Variants in SPRED2 observed in about 807,000 individuals in gnomAD.
The protein encoded by SPRED2 is sprouty-related, EVH1 domain-containing protein 2.
A neutral mutation model predicts 43.0 loss-of-function variants in SPRED2; 47 were observed. The ratio of observed to expected loss-of-function variants is 1.09; its 90% CI spans 0.87 to 1.40. The LOEUF is 1.40. Among genes scored for constraint, SPRED2 ranks in the 40% most tolerant of loss-of-function variants. The pLI is 0.00. For missense variants in SPRED2, 561 were observed against 586.4 expected (o/e 0.96, Z 0.45); for synonymous variants, 225 against 225.7 (o/e 1.00, Z 0.03).
chr2:65,358,521 G>A (rs1312955300), intron 1 of SPRED2, among the ~76,000 whole-genome samples: 1 of 152,216 alleles, frequency 6.6e-6, no homozygotes, highest in African/African-American at 2.4e-5. Flanking sequence ...TACATTCAGA[G>A]TGAAAAGGAG....
intron 1 of SPRED2, among the ~76,000 whole-genome samples, chr2:65,401,937 G>GTGCGCGCGCGCACACACA (rs1553426614): frequency 1.7e-4 from 20 of 114,714 alleles, no homozygotes; most frequent in African/African-American, 6.8e-4. Flanking sequence ...GCGCGCGCGC[G>GTGCGCGCGCGCACACACA]CACACACACA....
At chr2:65,335,940 C>T (rs1024766573) in intron 2 of SPRED2, among the ~76,000 whole-genome samples, 29 of 152,082 alleles carry the variant, frequency 1.9e-4, no homozygotes, top group African/African-American at 6.3e-4. Context: ...CTGCATTTAC[C>T]GCAATGTGAT....
chr2:65,404,882 C>T (rs1440360582), intron 1 of SPRED2, among the ~76,000 whole-genome samples: 1 of 152,218 alleles, frequency 6.6e-6, no homozygotes, highest in Non-Finnish European at 1.5e-5. Flanking sequence ...AACAACAGCA[C>T]ACCCCTGGGC....
chr2:65,413,038 C>A (rs1350106185), intron 1 of SPRED2, among the ~76,000 whole-genome samples: 1 of 152,218 alleles, frequency 6.6e-6, no homozygotes, highest in Non-Finnish European at 1.5e-5. Flanking sequence ...GAGTCCTTCA[C>A]CTATAAGTGG....
At chr2:65,326,374 G>T (rs1392832620) in intron 4 of SPRED2, among the ~76,000 whole-genome samples, 2 of 152,182 alleles carry the variant, frequency 1.3e-5, no homozygotes, top group East Asian at 1.9e-4. Flanking sequence ...TTGGCAAACA[G>T]GAAGTCGTCT....
At chr2:65,361,861 T>C (rs1674823945) in intron 1 of SPRED2, among the ~76,000 whole-genome samples, 1 of 152,192 alleles carries the variant, frequency 6.6e-6, no homozygotes, top group Non-Finnish European at 1.5e-5. Flanking sequence ...TGTCTGTGCT[T>C]CATTTAATGG....
At chr2:65,364,935 C>T (rs760205882) in intron 1 of SPRED2, among the ~76,000 whole-genome samples, 1 of 152,122 alleles carries the variant, frequency 6.6e-6, no homozygotes, top group Non-Finnish European at 1.5e-5. Context: ...GAAAAAACCC[C>T]GTTTACTATA....
intron 1 of SPRED2, among the ~76,000 whole-genome samples, chr2:65,389,665 T>G (rs1470209116): frequency 2.0e-5 from 3 of 149,682 alleles, no homozygotes; most frequent in Non-Finnish European, 3.0e-5. Context: ...TCAATTAATG[T>G]GACAAAACAA....
At position 65,311,986 on chromosome 2, in the gene SPRED2, G is replaced by A. The variant is rs920478013; in HGVS notation, c.*1515C>T. 5.4e-5 allele frequency: 53 copies of A among 985,412 alleles called. No homozygotes were observed. Among genetic ancestry groups the A allele is most frequent in the Non-Finnish European group, 6.3e-5 (52 of 829,952 alleles). The allele number at this position is 985,412 out of a possible 1,614,324, so 61.0% of individuals were successfully genotyped here. ...TGCTGGCCGCTACCACAGAAAGATC[G>A]TGGCGGGAAGAACAGCCGGCGTCCG... On this transcript the variant is annotated 3_prime_UTR_variant, in exon 6 of 6. Coordinates refer to ENST00000356388, the MANE Select transcript of SPRED2 (RefSeq NM_181784.3).
At chr2:65,380,375 T>G (rs1010350083) in intron 1 of SPRED2, among the ~76,000 whole-genome samples, 2 of 152,134 alleles carry the variant, frequency 1.3e-5, no homozygotes, top group African/African-American at 4.8e-5. Context: ...CATTAAAGCT[T>G]TTGCCCCAGG....
intron 2 of SPRED2, among the ~76,000 whole-genome samples, chr2:65,340,909 G>C (rs961782843): frequency 6.6e-6 from 1 of 152,168 alleles, no homozygotes; most frequent in African/African-American, 2.4e-5. Context: ...ACCTTTTAGA[G>C]GGGGGTTCCT....
rs7570887 is a variant in SPRED2, at chr2:65,412,364, A to T, written c.26+19598T>A. Reference sequence around the variant, plus strand: ...AGGTGGCCTAGGACCAGCTTCAAGAAAAAATGATTTTGAAACCATCCCTAC... The same window carrying T: ...AGGTGGCCTAGGACCAGCTTCAAGATAAAATGATTTTGAAACCATCCCTAC... On this transcript the variant is annotated intron_variant, in intron 1 of 5. Coordinates refer to ENST00000356388, the MANE Select transcript of SPRED2 (RefSeq NM_181784.3). Among the ~76,000 whole-genome samples, 1,374 of 152,256 alleles carry T rather than the reference A, an allele frequency of 9.0e-3. 24 individuals carry two copies. Among genetic ancestry groups the T allele is most frequent in the African/African-American group, 0.031 (1,294 of 41,542 alleles).
In SPRED2 at chr2:65,381,370, C is replaced by T. The variant is rs575404059; in HGVS notation, c.27-36474G>A. ...AATGACACCTTAACAGTTAAACACTCGGCAGCTCTAAAGCAGCATGGCCCA... is the reference window on the plus strand; with the variant it reads ...AATGACACCTTAACAGTTAAACACTTGGCAGCTCTAAAGCAGCATGGCCCA... On this transcript the variant is annotated intron_variant, in intron 1 of 5. Coordinates refer to ENST00000356388, the MANE Select transcript of SPRED2 (RefSeq NM_181784.3). Among the ~76,000 whole-genome samples the T allele has an allele frequency of 2.6e-5, 4 of 152,308 alleles. No individual in the cohort carries two copies. In the East Asian group the frequency reaches 5.8e-4, roughly 22 times the overall value.
chr2:65,410,606 A>T (rs1444577436), intron 1 of SPRED2, among the ~76,000 whole-genome samples: 8 of 151,852 alleles, frequency 5.3e-5, no homozygotes, highest in African/African-American at 1.9e-4. Flanking sequence ...AAAAATACAA[A>T]AAATTAGCCG....
At chr2:65,421,289 C>A (rs1676417144) in intron 1 of SPRED2, among the ~76,000 whole-genome samples, 1 of 152,208 alleles carries the variant, frequency 6.6e-6, no homozygotes, top group Non-Finnish European at 1.5e-5. Flanking sequence ...ACCTTCTTAT[C>A]AAATGAGCCT....
chr2:65,409,402 T>C (rs886485966), intron 1 of SPRED2, among the ~76,000 whole-genome samples: 2 of 152,212 alleles, frequency 1.3e-5, no homozygotes, highest in African/African-American at 4.8e-5. Flanking sequence ...CACTAAATAA[T>C]AGACTAAAAT....
rs546111110 is a variant in SPRED2 at position 65,346,560 on chromosome 2, C to CTGTCT, written c.27-1669_27-1665dup. 1.1e-4 allele frequency among the ~76,000 whole-genome samples: 16 copies of CTGTCT among 152,248 alleles called. No homozygotes were observed. The South Asian group carries it at 2.9e-3, about 28-fold the overall frequency. On this transcript the variant is annotated intron_variant, in intron 1 of 5. Coordinates refer to ENST00000356388, the MANE Select transcript of SPRED2 (RefSeq NM_181784.3). Reference sequence around the variant, plus strand: ...TCAGCCCCTGGCACCCACCATTCTACTGTCTTGTCTCTATGAATCTGATAC... The same window carrying CTGTCT: ...TCAGCCCCTGGCACCCACCATTCTACTGTCTTGTCTTGTCTCTATGAATCTGATAC...
intron 5 of SPRED2, 145 bp downstream of exon 5, chr2:65,316,589 G>A (rs1451943385): frequency 1.2e-5 from 12 of 989,974 alleles, no homozygotes; most frequent in Admixed American, 2.7e-5. Context: ...CACCACCAAT[G>A]CCACTTTCAA....
chr2:65,375,375 G>A (rs936825886), intron 1 of SPRED2, among the ~76,000 whole-genome samples: 1 of 152,184 alleles, frequency 6.6e-6, no homozygotes. Context: ...TATTCAAAAG[G>A]GACAGAGATC....
Sources: allele counts gnomAD v4.1 joint callset (sites outside exome capture counted in the v4.1 genomes callset), GRCh38; gene constraint gnomAD v4.1.1; transcripts MANE v1.5; gene names NCBI Gene and HGNC (gene_info 2026-07-23, HGNC 2026-07-21).